Variants in PVT1 observed in about 807,000 individuals in gnomAD.
PVT1 encodes the protein Pvt1 oncogene, also known as CXCR4/PVT1 fusion.
intron 3 of PVT1, among the ~76,000 whole-genome samples, chr8:127,974,092 TTCTGTTCC>T (rs1816795027): frequency 1.3e-5 from 2 of 152,232 alleles, no homozygotes; most frequent in Admixed American, 1.3e-4. Context: ...GATTGGGTTT[TTCTGTTCC>T]TCTTTGAACA....
At chr8:128,058,938 G>A (rs1010337126) in intron 4 of PVT1, among the ~76,000 whole-genome samples, 1 of 152,288 alleles carries the variant, frequency 6.6e-6, no homozygotes, top group Middle Eastern at 3.4e-3. Flanking sequence ...CCCTTCTTTA[G>A]AGGGTCTCCT....
intron 3 of PVT1, among the ~76,000 whole-genome samples, chr8:127,894,683 T>C (rs1009479391): frequency 6.6e-6 from 1 of 152,262 alleles, no homozygotes; most frequent in African/African-American, 2.4e-5. Context: ...CTGCTTAGGA[T>C]GTTGGTACTT....
intron 3 of PVT1, among the ~76,000 whole-genome samples, chr8:127,969,363 G>C (rs573249852): frequency 2.0e-5 from 3 of 152,170 alleles, no homozygotes; most frequent in South Asian, 2.1e-4. Flanking sequence ...CCTTTATCTT[G>C]ATTCTCCCTG....
chr8:128,004,812 C>T (rs1376126094), intron 4 of PVT1, among the ~76,000 whole-genome samples: 9 of 152,094 alleles, frequency 5.9e-5, no homozygotes, highest in East Asian at 1.9e-4. Flanking sequence ...TATGTTGTTG[C>T]GAAGTCCACA....
chr8:127,935,231 G>A (rs1341055555), intron 3 of PVT1, among the ~76,000 whole-genome samples: 2 of 152,120 alleles, frequency 1.3e-5, no homozygotes, highest in Admixed American at 1.3e-4. Context: ...CTCCCAAAGT[G>A]CTGGGATTAC....
At chr8:127,994,862 G>A (rs1817087309) in intron 4 of PVT1, among the ~76,000 whole-genome samples, 1 of 152,214 alleles carries the variant, frequency 6.6e-6, no homozygotes, top group Admixed American at 6.5e-5. Flanking sequence ...CAACCTTCCT[G>A]TGCCTTTCTG....
intron 3 of PVT1, among the ~76,000 whole-genome samples, chr8:127,987,202 G>A (rs1457718849): frequency 6.6e-6 from 1 of 152,194 alleles, no homozygotes; most frequent in African/African-American, 2.4e-5. Flanking sequence ...ATAATTAGCT[G>A]GATTTCCCTG....
chr8:128,043,923 C>T (rs1324033469), intron 4 of PVT1, among the ~76,000 whole-genome samples: 1 of 150,368 alleles, frequency 6.7e-6, no homozygotes. Context: ...ACCTCCTGAG[C>T]TCAAGTGGTC....
intron 3 of PVT1, among the ~76,000 whole-genome samples, chr8:127,958,075 G>A (rs189068228): frequency 1.3e-5 from 2 of 152,346 alleles, no homozygotes; most frequent in Non-Finnish European, 2.9e-5. Flanking sequence ...GAACACGGGC[G>A]TGGCATCAAA....
chr8:128,020,402 A>G (rs2036239), intron 4 of PVT1, among the ~76,000 whole-genome samples: 126,622 of 152,200 alleles, frequency 0.83, 52,799 homozygotes, highest in East Asian at 0.89. Flanking sequence ...TGATCAAGAA[A>G]ATGCCATGAA....
intron 2 of PVT1, among the ~76,000 whole-genome samples, chr8:127,882,232 C>T (rs140278096): frequency 1.9e-4 from 29 of 152,218 alleles, no homozygotes; most frequent in African/African-American, 6.5e-4. Context: ...AATTCCAAAG[C>T]AGCTGATCCA....
chr8:128,002,964 TCC>T (rs1491218567), intron 4 of PVT1, among the ~76,000 whole-genome samples: 9 of 32,732 alleles, frequency 2.7e-4, no homozygotes, highest in East Asian at 1.1e-3. Context: ...CCTCCCTCCC[TCC>T]CTCTTCCTTC....
chr8:127,809,901 GT>G (rs1161257630), intron 2 of PVT1, among the ~76,000 whole-genome samples: 1 of 152,234 alleles, frequency 6.6e-6, no homozygotes, highest in Non-Finnish European at 1.5e-5. Context: ...TCCTATCCAT[GT>G]GGTACATTGC....
intron 4 of PVT1, among the ~76,000 whole-genome samples, chr8:128,027,965 C>T (rs1240334889): frequency 6.6e-6 from 1 of 152,246 alleles, no homozygotes; most frequent in South Asian, 2.1e-4. Flanking sequence ...TGGTCCCCTC[C>T]TGCAGGCGTA....
chr8:127,985,335 C>T (rs1010296762), intron 3 of PVT1, among the ~76,000 whole-genome samples: 1 of 151,928 alleles, frequency 6.6e-6, no homozygotes, highest in Admixed American at 6.6e-5. Flanking sequence ...CCCAGCCTTC[C>T]AGGCTGGTTT....
At chr8:127,859,898 G>A (rs1338988264) in intron 2 of PVT1, among the ~76,000 whole-genome samples, 1 of 151,942 alleles carries the variant, frequency 6.6e-6, no homozygotes, top group Non-Finnish European at 1.5e-5. Context: ...CAGAGAGGCT[G>A]AGTCATACAG....
chr8:128,074,421 G>T (rs1399350577), intron 5 of PVT1, among the ~76,000 whole-genome samples: 1 of 151,916 alleles, frequency 6.6e-6, no homozygotes, highest in African/African-American at 2.4e-5. Context: ...TACTCAGGAG[G>T]CTGAGACAGG....
intron 2 of PVT1, among the ~76,000 whole-genome samples, chr8:127,828,376 TAGA>T (rs1814814437): frequency 6.6e-6 from 1 of 152,156 alleles, no homozygotes; most frequent in Non-Finnish European, 1.5e-5. Flanking sequence ...CAACAATAAT[TAGA>T]AGAAGAAGCA....
rs548446704 is a variant in PVT1 at position 127,981,440 on chromosome 8, GT to G, written n.783-7719del. On this transcript the variant is annotated intron_variant and non_coding_transcript_variant, in intron 3 of 10. Coordinates refer to ENST00000651587, the Ensembl canonical transcript of PVT1. ...CACAGCCTGGCATGTGGTGGGTGGT[GT>G]TTATCTGCACAAGTCACCCAAGTGA... 2.0e-5 allele frequency among the ~76,000 whole-genome samples: 3 copies of G among 152,336 alleles called. No individual in the cohort carries two copies. The South Asian group carries it at 6.2e-4, about 32-fold the overall frequency.
Sources: allele counts gnomAD v4.1 joint callset (sites outside exome capture counted in the v4.1 genomes callset), GRCh38; gene constraint gnomAD v4.1.1; transcripts MANE v1.5; gene names NCBI Gene and HGNC (gene_info 2026-07-23, HGNC 2026-07-21).